The following PBX3 variants were observed in gnomAD, a reference collection of about 807,000 sequenced individuals.
PBX3 encodes the protein pre-B-cell leukemia transcription factor 3.
Under a neutral mutation model 48.5 loss-of-function variants are expected in PBX3, and 14 were observed. The observed-to-expected ratio is 0.29, with a 90% CI of 0.19 to 0.45. The LOEUF (loss-of-function observed/expected upper bound fraction) is 0.45. Among genes scored for constraint, PBX3 ranks in the 20% least tolerant of loss-of-function variants. The probability of loss-of-function intolerance (pLI) is 1.00; values close to 1 mark genes in which losing one functional copy is unlikely to be tolerated. For synonymous variants in PBX3, 210 were observed against 200.3 expected, an observed-to-expected ratio of 1.05 and a Z score of -0.41; for missense variants, 386 against 546.7, an observed-to-expected ratio of 0.71 and a Z score of 2.93.
chr9:125,859,675 T>A (rs554254182), intron 2 of PBX3, among the ~76,000 whole-genome samples: 1 of 152,332 alleles, frequency 6.6e-6, no homozygotes, highest in South Asian at 2.1e-4. Context: ...CTGTGGAATT[T>A]GTTGGTGTGG....
chr9:125,928,392 ATGTGTGTGTGTG>A (rs112869741), intron 3 of PBX3, among the ~76,000 whole-genome samples: 63 of 140,284 alleles, frequency 4.5e-4, no homozygotes, highest in Non-Finnish European at 7.7e-4. Flanking sequence ...GGGGAAACAA[ATGTGTGTGTGTG>A]TGTGTGTGTG....
At chr9:125,937,960 T>C in intron 5 of PBX3, among the ~76,000 whole-genome samples, 1 of 152,166 alleles carries the variant, frequency 6.6e-6, no homozygotes, top group East Asian at 1.9e-4. Flanking sequence ...TACACTTGGC[T>C]AACTACTTTC....
chr9:125,962,324 G>A, intron 7 of PBX3, 110 bp downstream of exon 7: 1 of 589,424 alleles, frequency 1.7e-6, no homozygotes. Context: ...AACCTGTGCT[G>A]GGTGCTTCCA....
chr9:125,902,403 G>A (rs1473733432), intron 2 of PBX3, among the ~76,000 whole-genome samples: 2 of 151,588 alleles, frequency 1.3e-5, no homozygotes, highest in African/African-American at 2.4e-5. Flanking sequence ...ATTAATATTG[G>A]TTGTCTTCAG....
At chr9:125,889,754 C>A (rs1276762303) in intron 2 of PBX3, among the ~76,000 whole-genome samples, 1 of 150,574 alleles carries the variant, frequency 6.6e-6, no homozygotes, top group Non-Finnish European at 1.5e-5. Context: ...GGGCGCGCCG[C>A]GGCGGGGAGC....
At chr9:125,840,955 G>A (rs1224968179) in intron 2 of PBX3, among the ~76,000 whole-genome samples, 4 of 152,018 alleles carry the variant, frequency 2.6e-5, no homozygotes, top group Non-Finnish European at 5.9e-5. Flanking sequence ...GAGTCTTACA[G>A]CTGTTTGATT....
intron 2 of PBX3, among the ~76,000 whole-genome samples, chr9:125,907,430 T>C (rs1353550056): frequency 1.3e-5 from 2 of 152,080 alleles, no homozygotes; most frequent in Admixed American, 6.6e-5. Context: ...TAACTACTTA[T>C]TTGACTTTAG....
chr9:125,780,135 C>A (rs1277319581), intron 2 of PBX3, among the ~76,000 whole-genome samples: 5 of 121,976 alleles, frequency 4.1e-5, no homozygotes, highest in African/African-American at 9.3e-5. Flanking sequence ...CCAGTAGGGG[C>A]GGCCGGGCAG....
intron 2 of PBX3, among the ~76,000 whole-genome samples, chr9:125,871,275 TA>T (rs1393121752): frequency 6.6e-6 from 1 of 151,190 alleles, no homozygotes; most frequent in Non-Finnish European, 1.5e-5. Flanking sequence ...TGGGTGCTTG[TA>T]GTCCCAGCTA....
intron 2 of PBX3, among the ~76,000 whole-genome samples, chr9:125,914,476 G>A (rs1309969606): frequency 1.3e-5 from 2 of 152,082 alleles, no homozygotes; most frequent in East Asian, 1.9e-4. Flanking sequence ...AAGAATTGAC[G>A]GTAGCTTTAG....
At chr9:125,840,848 C>T (rs1839270088) in intron 2 of PBX3, among the ~76,000 whole-genome samples, 2 of 151,970 alleles carry the variant, frequency 1.3e-5, no homozygotes, top group South Asian at 4.1e-4. Context: ...TAAAGAGAGT[C>T]CAGGGTAAGG....
chr9:125,812,923 T>A (rs1196308424), intron 2 of PBX3, among the ~76,000 whole-genome samples: 3 of 152,220 alleles, frequency 2.0e-5, no homozygotes, highest in African/African-American at 7.2e-5. Flanking sequence ...ATAGGGCACT[T>A]ACCATGAATG....
chr9:125,934,651 G>A (rs530971690), intron 4 of PBX3, among the ~76,000 whole-genome samples: 1 of 152,096 alleles, frequency 6.6e-6, no homozygotes, highest in Admixed American at 6.5e-5. Flanking sequence ...TCATACCTCA[G>A]TCCAGGAAGT....
intron 2 of PBX3, among the ~76,000 whole-genome samples, chr9:125,906,383 T>C (rs1235911787): frequency 6.6e-6 from 1 of 151,966 alleles, no homozygotes; most frequent in East Asian, 1.9e-4. Flanking sequence ...AACAATAAAA[T>C]GGACATTCCT....
chr9:125,962,475 T>G (rs1201098724), intron 7 of PBX3, among the ~76,000 whole-genome samples: 1 of 152,174 alleles, frequency 6.6e-6, no homozygotes, highest in Non-Finnish European at 1.5e-5. Flanking sequence ...GCATCTTACT[T>G]TTGTCACAAA....
chr9:125,927,481 A>G (rs1841604147), intron 3 of PBX3, among the ~76,000 whole-genome samples: 1 of 152,198 alleles, frequency 6.6e-6, no homozygotes, highest in South Asian at 2.1e-4. Flanking sequence ...ATCATGTGCT[A>G]TATGTGAGCA....
At chr9:125,758,270 T>C (rs537772656) in intron 2 of PBX3, among the ~76,000 whole-genome samples, 10 of 152,340 alleles carry the variant, frequency 6.6e-5, no homozygotes, top group African/African-American at 1.4e-4. Context: ...CAGTATAATG[T>C]TATAGTTCTA....
rs372253003 is a variant in PBX3, at chr9:125,960,809, G to A, written c.969G>A (p.Val323=). 2.4e-5 allele frequency: 38 copies of A among 1,614,170 alleles called. No homozygotes were observed. The African/African-American group carries it at 4.8e-4, about 20-fold the overall frequency. Residue 323 remains valine (V), a synonymous_variant, in exon 6 of 9, where the codon GTG becomes GTA. Coordinates refer to ENST00000373489, the MANE Select transcript of PBX3 (RefSeq NM_006195.6). ...VTAAHAVAAA[V]QNNQTNSPTT... ...CTGCACACGCAGTAGCAGCAGCTGT[G>A]CAGAACAACCAGACCAATTCGCCCA...
At chr9:125,938,951 C>G (rs1427141570) in intron 5 of PBX3, among the ~76,000 whole-genome samples, 1 of 149,004 alleles carries the variant, frequency 6.7e-6, no homozygotes, top group East Asian at 2.0e-4. Context: ...CTCAGATGTT[C>G]AGAAAAAAAA....
Sources: gnomAD v4.1 joint callset for allele counts (sites outside exome capture counted in the v4.1 genomes callset) on GRCh38, gnomAD v4.1.1 for gene constraint, MANE v1.5 for transcripts, NCBI Gene and HGNC (gene_info 2026-07-23, HGNC 2026-07-21) for gene names.